Variants in NRG3 observed in about 807,000 individuals in gnomAD.
NRG3 encodes the protein neuregulin 3.
A neutral mutation model predicts 66.9 loss-of-function variants in NRG3; 31 were observed. The ratio of observed to expected loss-of-function variants is 0.46; its 90% confidence interval spans 0.35 to 0.63. The LOEUF (loss-of-function observed/expected upper bound fraction) is 0.63, where lower values mean the gene tolerates loss of function less well. Ranked by LOEUF, NRG3 falls within the 20% of genes least tolerant of loss-of-function variation. The pLI is 0.00. For missense variants in NRG3, 910 were observed against 878.9 expected (o/e 1.04, Z -0.45); for synonymous variants, 393 against 359.4 (o/e 1.09, Z -1.06).
At chr10:82,115,645 A>G (rs1410698946) in intron 1 of NRG3, among the ~76,000 whole-genome samples, 3 of 152,184 alleles carry the variant, frequency 2.0e-5, no homozygotes, top group Non-Finnish European at 4.4e-5. Context: ...CAGGCCTAAA[A>G]GATAATCAAA....
intron 2 of NRG3, among the ~76,000 whole-genome samples, chr10:82,595,938 CT>C (rs2133353081): frequency 6.6e-6 from 1 of 152,164 alleles, no homozygotes; most frequent in East Asian, 1.9e-4. Flanking sequence ...GGTTGAGAGG[CT>C]CAAATGAGAA....
At chr10:82,812,146 T>A (rs1433657646) in intron 3 of NRG3, among the ~76,000 whole-genome samples, 7 of 151,860 alleles carry the variant, frequency 4.6e-5, no homozygotes, top group Non-Finnish European at 1.0e-4. Context: ...GGAGATCTTG[T>A]TGAAATGTAG....
chr10:82,592,035 A>G (rs1391825110), intron 2 of NRG3, among the ~76,000 whole-genome samples: 1 of 152,230 alleles, frequency 6.6e-6, no homozygotes, highest in Non-Finnish European at 1.5e-5. Context: ...TTGCTACCAC[A>G]GATTGTGTGA....
chr10:82,045,345 T>G (rs1337758902), intron 1 of NRG3, among the ~76,000 whole-genome samples: 1 of 82,456 alleles, frequency 1.2e-5, no homozygotes, highest in Non-Finnish European at 2.9e-5. Flanking sequence ...TCATGTGTCT[T>G]TTGGCTGCAT....
intron 1 of NRG3, among the ~76,000 whole-genome samples, chr10:82,299,843 A>G (rs1282897487): frequency 2.0e-5 from 3 of 152,260 alleles, no homozygotes; most frequent in South Asian, 4.1e-4. Context: ...GATGCAAAAA[A>G]CCATCAATGT....
intron 4 of NRG3, among the ~76,000 whole-genome samples, chr10:82,897,337 A>G (rs1353212504): frequency 6.6e-6 from 1 of 152,200 alleles, no homozygotes; most frequent in Non-Finnish European, 1.5e-5. Context: ...AAATGAGATG[A>G]GATGGTTAAA....
chr10:82,235,566 C>G (rs750670166), intron 1 of NRG3, among the ~76,000 whole-genome samples: 31 of 152,190 alleles, frequency 2.0e-4, no homozygotes, highest in Non-Finnish European at 3.7e-4. Context: ...TAATCTCCCA[C>G]TGCTCTTAAG....
In NRG3 at chr10:82,740,839, A is replaced by G. The variant is rs867416958; in HGVS notation, c.1027+2189A>G. On this transcript the variant is annotated intron_variant, in intron 3 of 8. Coordinates refer to ENST00000372141, the MANE Select transcript of NRG3 (RefSeq NM_001010848.4). Reference sequence around the variant, plus strand: ...ACTCTGTCTCAAAAAAAAAAAAAAAAAAAAAAAAAATTATACCTCTCTGAA... The same window carrying G: ...ACTCTGTCTCAAAAAAAAAAAAAAAGAAAAAAAAAATTATACCTCTCTGAA... Among the ~76,000 whole-genome samples, 228 of 151,302 alleles carry G rather than the reference A, an allele frequency of 1.5e-3. 2 individuals carry two copies. The highest frequency in any genetic ancestry group is 6.8e-3 in the Middle Eastern group (2 of 294).
intron 1 of NRG3, among the ~76,000 whole-genome samples, chr10:81,974,547 A>T (rs1346738112): frequency 6.6e-6 from 1 of 152,158 alleles, no homozygotes; most frequent in Admixed American, 6.5e-5. Context: ...TATGGGATAA[A>T]GGAGCAAGGT....
At chr10:82,706,433 T>C (rs1181369411) in intron 2 of NRG3, among the ~76,000 whole-genome samples, 1 of 152,176 alleles carries the variant, frequency 6.6e-6, no homozygotes, top group Non-Finnish European at 1.5e-5. Context: ...TTACTTCAAA[T>C]CTTACTATAT....
chr10:82,314,239 A>G (rs1321800652), intron 1 of NRG3, among the ~76,000 whole-genome samples: 1 of 152,198 alleles, frequency 6.6e-6, no homozygotes, highest in Non-Finnish European at 1.5e-5. Context: ...ACTTTAATCC[A>G]CATGAGTTGA....
intron 1 of NRG3, among the ~76,000 whole-genome samples, chr10:82,045,649 A>G (rs550047262): frequency 0.028 from 2,073 of 74,302 alleles, 172 homozygotes; most frequent in African/African-American, 0.086. Flanking sequence ...GCCCATGCCT[A>G]TGTCCTGAAT....
At chr10:82,963,386 A>G (rs1480765385) in intron 6 of NRG3, among the ~76,000 whole-genome samples, 1 of 152,220 alleles carries the variant, frequency 6.6e-6, no homozygotes, top group Non-Finnish European at 1.5e-5. Context: ...TTGTTTATCA[A>G]GAATTTGCAT....
chr10:82,606,113 G>C (rs1303800366), intron 2 of NRG3, among the ~76,000 whole-genome samples: 1 of 152,018 alleles, frequency 6.6e-6, no homozygotes, highest in African/African-American at 2.4e-5. Context: ...CCTAAGGCAT[G>C]ATCTTAGACT....
At chr10:82,984,982 G>T in intron 8 of NRG3, 116 bp from the exon 9 acceptor site, 1 of 1,338,846 alleles carries the variant, frequency 7.5e-7, no homozygotes, top group East Asian at 2.3e-5. Context: ...CCGTCTCATG[G>T]GGTTGCTGTG....
At chr10:82,058,598 G>A (rs1371093087) in intron 1 of NRG3, among the ~76,000 whole-genome samples, 1 of 151,124 alleles carries the variant, frequency 6.6e-6, no homozygotes, top group African/African-American at 2.4e-5. Flanking sequence ...GAAAAAATTA[G>A]CTTAATTTAG....
At chr10:81,884,524 A>G (rs1842450176) in intron 1 of NRG3, among the ~76,000 whole-genome samples, 1 of 152,218 alleles carries the variant, frequency 6.6e-6, no homozygotes, top group Non-Finnish European at 1.5e-5. Flanking sequence ...AGGGATCAAA[A>G]ATATATTTAA....
chr10:82,920,911 T>G (rs1467531971), intron 4 of NRG3, among the ~76,000 whole-genome samples: 2 of 152,016 alleles, frequency 1.3e-5, no homozygotes, highest in African/African-American at 4.8e-5. Flanking sequence ...ACGGGAAAAA[T>G]AGACAAATCT....
At chr10:82,291,635 A>G (rs1343421056) in intron 1 of NRG3, among the ~76,000 whole-genome samples, 2 of 152,208 alleles carry the variant, frequency 1.3e-5, no homozygotes, top group Admixed American at 6.5e-5. Flanking sequence ...CAGAATAGAA[A>G]TTCTTTAAAT....
Sources: gnomAD v4.1 joint callset for allele counts (sites outside exome capture counted in the v4.1 genomes callset) on GRCh38, gnomAD v4.1.1 for gene constraint, MANE v1.5 for transcripts, NCBI Gene and HGNC (gene_info 2026-07-23, HGNC 2026-07-21) for gene names.